TMC3: variants seen among roughly 807,000 people sequenced by gnomAD.
The protein encoded by TMC3 is transmembrane channel-like protein 3.
In TMC3, 98 loss-of-function variants were observed where a neutral mutation model predicts 110.6. The ratio of observed to expected loss-of-function variants is 0.89; its 90% CI spans 0.75 to 1.05. The LOEUF (loss-of-function observed/expected upper bound fraction) is 1.05. Ranked by LOEUF, TMC3 falls within the 50% of genes least tolerant of loss-of-function variation. The pLI, the probability that TMC3 is intolerant of heterozygous loss-of-function variation, is 0.00. For synonymous variants in TMC3, 489 were observed against 513.1 expected (o/e 0.95, Z 0.63); for missense variants, 1,319 against 1,373.2 (o/e 0.96, Z 0.62).
chr15:81,337,517 G>A (rs997766084), intron 19 of TMC3: 2 of 422,390 alleles, frequency 4.7e-6, no homozygotes, highest in East Asian at 4.7e-5. Flanking sequence ...TCTCTCCCCT[G>A]CCAATCTACC....
chr15:81,345,605 C>T (rs1366007145), intron 12 of TMC3, among the ~76,000 whole-genome samples: 1 of 152,128 alleles, frequency 6.6e-6, no homozygotes, highest in African/African-American at 2.4e-5. Context: ...CGTGATGCCT[C>T]ACACTTGTAA....
chr15:81,352,284 G>A (rs558599343), intron 9 of TMC3, among the ~76,000 whole-genome samples: 6 of 152,184 alleles, frequency 3.9e-5, no homozygotes, highest in Non-Finnish European at 7.3e-5. Flanking sequence ...CCCATATAAT[G>A]AATCTGACAT....
At position 81,359,482 on chromosome 15, in the gene TMC3, A is replaced by G; in HGVS notation, c.395-11T>C. The G allele has an allele frequency of 4.6e-6, 7 of 1,532,012 alleles. No individual in the cohort carries two copies. The highest frequency in any genetic ancestry group is 6.2e-6 in the Non-Finnish European group (7 of 1,129,462). 94.9% of individuals were successfully genotyped at this position (1,532,012 alleles called of 1,614,324 possible). On this transcript the variant is annotated splice_polypyrimidine_tract_variant and intron_variant, in intron 4 of 21. Coordinates refer to ENST00000359440, the MANE Select transcript of TMC3 (RefSeq NM_001080532.3). ...CAGATCCAAAATGACCTAAAGAAAG[A>G]CAAGATAATGAGAACAGTTTAAATA...
In TMC3 at chr15:81,335,395, G is replaced by C. The variant is rs144737469; in HGVS notation, c.2204-420C>G. 2.3e-3 allele frequency among the ~76,000 whole-genome samples: 354 copies of C among 152,332 alleles called. 1 individual carries two copies. The highest frequency in any genetic ancestry group is 8.2e-3 in the African/African-American group (339 of 41,578). On this transcript the variant is annotated intron_variant, in intron 20 of 21. Transcript: ENST00000359440. ...AAAATGAACACTGGACAATGCTATT[G>C]TTATCCTGAAACAGTCTATGTGGAT...
intron 20 of TMC3, among the ~76,000 whole-genome samples, chr15:81,335,221 G>C (rs1330827689): frequency 6.6e-6 from 1 of 152,208 alleles, no homozygotes; most frequent in Non-Finnish European, 1.5e-5. Context: ...TGCTCCATCT[G>C]ATGCTCCCAT....
chr15:81,337,688 C>A (rs1338490693), intron 19 of TMC3, 158 bp downstream of exon 19: 1 of 678,088 alleles, frequency 1.5e-6, no homozygotes, highest in African/African-American at 1.8e-5. Flanking sequence ...TTAGAAATAA[C>A]TCTTGGACAT....
chr15:81,349,216 T>C (rs1893889547), intron 11 of TMC3, among the ~76,000 whole-genome samples: 2 of 152,120 alleles, frequency 1.3e-5, no homozygotes, highest in African/African-American at 4.8e-5. Flanking sequence ...CTCTTCTTCA[T>C]TTCTTTTCTT....
Position 81,358,451 on chromosome 15 carries a change from T to G in TMC3, c.551A>C (p.Lys184Thr). 6.2e-7 allele frequency: 1 copy of G among 1,613,808 alleles called. No homozygotes were observed. Among genetic ancestry groups the G allele is most frequent in the Non-Finnish European group, 8.5e-7 (1 of 1,179,786 alleles). Reference protein sequence around the residue: ...FGSTARKTIPKEQVSSAQDLD... With the variant: ...FGSTARKTIPTEQVSSAQDLD... ...GTCTTGGGCAGACGAAACCTGCTCC[T>G]TGGGGATGGTCTTCCTGGCTGTGCT... Residue 184 changes from lysine to threonine, a missense_variant, in exon 6 of 22, where the codon AAG (lysine) becomes ACG (threonine). Physicochemically the swap from Lys to Thr is moderately conservative, Grantham distance 78. Coordinates refer to ENST00000359440, the MANE Select transcript of TMC3 (RefSeq NM_001080532.3).
chr15:81,354,984 GT>G (rs2086815708), intron 9 of TMC3, among the ~76,000 whole-genome samples: 1 of 151,984 alleles, frequency 6.6e-6, no homozygotes, highest in South Asian at 2.1e-4. Flanking sequence ...CATTTCCCAG[GT>G]TATCGACATT....
intron 15 of TMC3, 149 bp from the exon 16 acceptor site, chr15:81,341,667 C>T (rs538143313): frequency 4.0e-4 from 254 of 631,682 alleles, no homozygotes; most frequent in Admixed American, 1.5e-3. Context: ...AGTCCCGAGA[C>T]CACAACCCTC....
At chr15:81,340,506 A>G (rs1378094950) in intron 16 of TMC3, among the ~76,000 whole-genome samples, 2 of 152,244 alleles carry the variant, frequency 1.3e-5, no homozygotes, top group South Asian at 2.1e-4. Context: ...CCACTGATAT[A>G]GACACACATA....
chr15:81,351,344 C>G (rs917286431), intron 10 of TMC3, among the ~76,000 whole-genome samples: 1 of 145,668 alleles, frequency 6.9e-6, no homozygotes, highest in Non-Finnish European at 1.5e-5. Flanking sequence ...GTCTCTCTCT[C>G]TCTCTTTTTT....
rs979002493 is a variant in TMC3 at position 81,331,334 on chromosome 15, G to C, written c.*1085C>G. ...GTTTCTGCATCAACCTTGTAACTTT[G>C]CAGCTGCGCTAGGGTGGTGAAGCAG... On this transcript the variant is annotated 3_prime_UTR_variant, in exon 22 of 22. Transcript: ENST00000359440. 1 of 152,240 alleles carries C rather than the reference G, an allele frequency of 6.6e-6. No homozygotes were observed. Among genetic ancestry groups the C allele is most frequent in the African/African-American group, 2.4e-5 (1 of 41,448 alleles). The allele number at this position is 152,240 out of a possible 1,614,324, so 9.4% of individuals were successfully genotyped here.
chr15:81,345,797 G>A (rs1893815390), intron 12 of TMC3, among the ~76,000 whole-genome samples: 1 of 151,978 alleles, frequency 6.6e-6, no homozygotes, highest in African/African-American at 2.4e-5. Flanking sequence ...TATCACTTGA[G>A]CCTAGGGAGG....
Position 81,340,770 on chromosome 15 carries a change from A to G in TMC3, c.1844+620T>C, listed in dbSNP as rs11852576. 3.0e-3 allele frequency among the ~76,000 whole-genome samples: 460 copies of G among 152,320 alleles called. 3 individuals carry two copies. Among genetic ancestry groups the G allele is most frequent in the African/African-American group, 0.011 (445 of 41,566 alleles). ...TGCATTCCTAGGTATATATGCAACAAAGATACTTAGGATGTTCAAGGCAGC... is the reference window on the plus strand; with the variant it reads ...TGCATTCCTAGGTATATATGCAACAGAGATACTTAGGATGTTCAAGGCAGC... On this transcript the variant is annotated intron_variant, in intron 16 of 21. Coordinates refer to ENST00000359440, the MANE Select transcript of TMC3 (RefSeq NM_001080532.3).
intron 16 of TMC3, among the ~76,000 whole-genome samples, chr15:81,341,003 T>C (rs1893702289): frequency 6.6e-6 from 1 of 152,254 alleles, no homozygotes; most frequent in Non-Finnish European, 1.5e-5. Context: ...ATTATGCCAT[T>C]AGAAGTTGGC....
intron 15 of TMC3, 195 bp from the exon 16 acceptor site, chr15:81,341,713 G>A (rs929474261): frequency 1.9e-5 from 8 of 410,802 alleles, no homozygotes; most frequent in Non-Finnish European, 3.5e-5. Flanking sequence ...CTGAAGGTGG[G>A]TATTGATCCT....
rs1223352147 is a variant in TMC3 at position 81,344,975 on chromosome 15, C to A, written c.1309G>T (p.Asp437Tyr). Residue 437 changes from aspartate (D) to tyrosine (Y), a missense_variant, in exon 13 of 22, where the codon GAT becomes TAT. Physicochemically the swap from Asp to Tyr is radical, Grantham distance 160. Transcript: ENST00000359440. ...ATKNNTSHWI[D>Y]STTFFATRTA... ...CTGGTTGCAAAGAAGGTGGTGGAAT[C>A]TATCCAATGACTTGTGTTATTTTTG... is the stretch of plus-strand genomic sequence containing the variant. 6.3e-7 allele frequency: 1 copy of A among 1,598,768 alleles called. No homozygotes were observed. The highest frequency in any genetic ancestry group is 1.7e-4 in the Middle Eastern group (1 of 6,038).
In TMC3 at chr15:81,333,086, C is replaced by T. The variant is rs759092580; in HGVS notation, c.2636G>A (p.Gly879Asp). The change falls in exon 22 of 22, where the codon GGT becomes GAT. Residue 879 changes from glycine (G) to aspartate (D), a missense_variant. Coordinates refer to ENST00000359440, the MANE Select transcript of TMC3 (RefSeq NM_001080532.3). The stretch of plus-strand genomic sequence containing the variant: ...GTATCTGGGGGCGTGGGGCCTGGGA[C>T]CCTGTGCCAGCAAAGTCGAGGCCTG... Reference protein sequence around the residue: ...GPQASTLLAQGPRPHAPRYYV... With the variant: ...GPQASTLLAQDPRPHAPRYYV... The T allele has an allele frequency of 2.2e-5, 35 of 1,613,960 alleles. No individual in the cohort carries two copies. The South Asian group carries it at 3.7e-4, about 17-fold the overall frequency.
Sources: gnomAD v4.1 joint callset for allele counts (sites outside exome capture counted in the v4.1 genomes callset) on GRCh38, gnomAD v4.1.1 for gene constraint, MANE v1.5 for transcripts, NCBI Gene and HGNC (gene_info 2026-07-23, HGNC 2026-07-21) for gene names.